Variants in CYP4F8 observed in about 807,000 individuals in gnomAD.
The protein encoded by CYP4F8 is cytochrome P450 4F8.
In CYP4F8, 56 loss-of-function variants were observed where a neutral mutation model predicts 55.0. The observed-to-expected ratio is 1.02, with a 90% CI of 0.82 to 1.27. CYP4F8 has a LOEUF of 1.27. Ranked by LOEUF, CYP4F8 falls within the 50% of genes most tolerant of loss-of-function variation. The pLI is 0.00. For missense variants in CYP4F8, 680 were observed against 682.4 expected (o/e 1.00, Z 0.04); for synonymous variants, 288 against 267.3 (o/e 1.08, Z -0.76).
chr19:15,628,832 G>A lies in CYP4F8; in HGVS notation c.1386G>A (p.Ser462=), dbSNP rs1254327526. The A allele has an allele frequency of 1.9e-6, 3 of 1,602,810 alleles. No homozygotes were observed. Among genetic ancestry groups the A allele is most frequent in the Non-Finnish European group, 1.7e-6 (2 of 1,175,148 alleles). ...KRSPMAFIPF[S]AGPRNCIGQK... Reference sequence around the variant, plus strand: ...CACCTATGGCTTTTATTCCTTTCTCGGCGGGGCCCAGGTGAGGCCAGGGGG... The same window carrying A: ...CACCTATGGCTTTTATTCCTTTCTCAGCGGGGCCCAGGTGAGGCCAGGGGG... The change falls in exon 12 of 13, where the codon TCG becomes TCA. Residue 462 remains serine, a synonymous_variant. Coordinates refer to ENST00000612078, the MANE Select transcript of CYP4F8 (RefSeq NM_007253.4).
At position 15,623,712 on chromosome 19, in the gene CYP4F8, A is replaced by C. The variant is rs369794004; in HGVS notation, c.932A>C (p.Lys311Thr). 158 of 1,614,140 alleles carry C rather than the reference A, an allele frequency of 9.8e-5. 2 individuals carry two copies. The South Asian group carries it at 1.3e-3, about 13-fold the overall frequency. Residue 311 changes from lysine to threonine, a missense_variant, in exon 8 of 13, where the codon AAA becomes ACA. By Grantham distance (78) the Lys-to-Thr change is moderately conservative. Coordinates refer to ENST00000612078, the MANE Select transcript of CYP4F8 (RefSeq NM_007253.4). ...TCTTGTCTCCAGGATAAAAATGGTAAAGAGTTGTCAGATGAGGACATAAGA... is the reference window on the plus strand; with the variant it reads ...TCTTGTCTCCAGGATAAAAATGGTACAGAGTTGTCAGATGAGGACATAAGA... ...VLLLSEDKNG[K>T]ELSDEDIRAE... is the part of the protein sequence containing the mutation.
rs375282839 is a variant in CYP4F8, at chr19:15,623,220, C to T, written c.763C>T (p.Arg255Cys). The change falls in exon 7 of 13, where the codon CGC (arginine) becomes TGC (cysteine). Residue 255 changes from arginine to cysteine, a missense_variant. Coordinates refer to ENST00000612078, the MANE Select transcript of CYP4F8 (RefSeq NM_007253.4). ...GTACTTCCTCACTCCCTGTGGACGG[C>T]GCTTCCACAGGGCCTGCAGACTGGT... is the stretch of plus-strand genomic sequence containing the variant. ...FLYFLTPCGR[R>C]FHRACRLVHD... The T allele has an allele frequency of 3.1e-5, 50 of 1,613,948 alleles. No homozygotes were observed. In the African/African-American group the frequency reaches 3.2e-4, roughly 10 times the overall value.
intron 3 of CYP4F8, chr19:15,619,272 C>G: frequency 7.2e-6 from 4 of 557,126 alleles, no homozygotes; most frequent in Non-Finnish European, 1.3e-5. Context: ...GTGTGCTGTA[C>G]CATGTCAGGG....
rs4019752 is a variant in CYP4F8 at position 15,629,884 on chromosome 19, ATTTT to A, written c.*538_*541del. On this transcript the variant is annotated 3_prime_UTR_variant, in exon 13 of 13. Transcript: ENST00000612078. ...CCTCTTCCTTCCTGCTGCTTGGAAG[ATTTT>A]TTTTTTTTTTTGAGACATGGTGTCT... is the stretch of plus-strand genomic sequence containing the variant. 2 of 145,276 alleles carry A rather than the reference ATTTT, an allele frequency of 1.4e-5. No homozygotes were observed. Among genetic ancestry groups the A allele is most frequent in the East Asian group, 2.1e-4 (1 of 4,864 alleles). The allele number at this position is 145,276 out of a possible 1,614,324, so 9.0% of individuals were successfully genotyped here.
chr19:15,618,289 G>C, intron 3 of CYP4F8, 145 bp downstream of exon 3: 1 of 1,239,142 alleles, frequency 8.1e-7, no homozygotes, highest in Non-Finnish European at 1.2e-6. Flanking sequence ...TTTCCTTCCT[G>C]TAGTCACCAA....
Position 15,629,472 on chromosome 19 carries a change from G to T in CYP4F8, c.*114G>T. On this transcript the variant is annotated 3_prime_UTR_variant, in exon 13 of 13. Coordinates refer to ENST00000612078, the MANE Select transcript of CYP4F8 (RefSeq NM_007253.4). ...CCCCTGTGCCTCAGTCCCGCGGATG[G>T]CCAGTAGGGGGCGCTGGAGGACTGC... 7.3e-7 allele frequency: 1 copy of T among 1,376,646 alleles called. No homozygotes were observed. The highest frequency in any genetic ancestry group is 9.6e-7 in the Non-Finnish European group (1 of 1,046,420). 85.3% of individuals were successfully genotyped at this position (1,376,646 alleles called of 1,614,324 possible).
In CYP4F8 at chr19:15,619,502, AC is replaced by A; in HGVS notation, c.357del (p.Asp119GlufsTer4). On this transcript the variant is annotated frameshift_variant, in exon 4 of 13. Coordinates refer to ENST00000612078, the MANE Select transcript of CYP4F8 (RefSeq NM_007253.4). LOFTEE classifies it high-confidence loss of function. ...SVINTSDAIT[D>X]KDIVFYKTLK... ...TCATTCATGTCAGATGCCATTACAGACAAGGACATAGTCTTCTACAAGACCC... is the reference window on the plus strand; with the variant it reads ...TCATTCATGTCAGATGCCATTACAGAAAGGACATAGTCTTCTACAAGACCC... 6.2e-7 allele frequency: 1 copy of A among 1,614,166 alleles called. No homozygotes were observed. Among genetic ancestry groups the A allele is most frequent in the Non-Finnish European group, 8.5e-7 (1 of 1,180,010 alleles).
rs1297850649 is a variant in CYP4F8, at chr19:15,630,182, T to C, written c.*824T>C. 6.6e-6 allele frequency: 1 copy of C among 152,168 alleles called. No individual in the cohort carries two copies. The highest frequency in any genetic ancestry group is 1.5e-5 in the Non-Finnish European group (1 of 68,030). The allele number at this position is 152,168 out of a possible 1,614,324, so 9.4% of individuals were successfully genotyped here. A position where few individuals can be genotyped will look rare whatever the true frequency, so the allele number is the denominator to read the frequency against. ...AAATTCTTGAGTTTCAATGTTTATT[T>C]TAGAATCAGGTGCTAACATGCAAAT... On this transcript the variant is annotated 3_prime_UTR_variant, in exon 13 of 13. Coordinates refer to ENST00000612078, the MANE Select transcript of CYP4F8 (RefSeq NM_007253.4).
chr19:15,619,468 T>C (rs1427325786), intron 3 of CYP4F8, 22 bp from the exon 4 acceptor site: 1 of 1,613,840 alleles, frequency 6.2e-7, no homozygotes, highest in Non-Finnish European at 8.5e-7. Context: ...CCATGGACCC[T>C]GATGGTCCTC....
chr19:15,615,572 T>G, intron 1 of CYP4F8, 44 bp from the exon 2 acceptor site: 1 of 1,597,582 alleles, frequency 6.3e-7, no homozygotes, highest in Middle Eastern at 1.9e-4. Context: ...CCAGCCCCTT[T>G]CCTAGGCCTC....
In CYP4F8 at chr19:15,623,958, C is replaced by T. The variant is rs1568384037; in HGVS notation, c.986-7C>T. The T allele has an allele frequency of 6.2e-7, 1 of 1,613,836 alleles. No individual in the cohort carries two copies. The highest frequency in any genetic ancestry group is 8.5e-7 in the Non-Finnish European group (1 of 1,179,830). On this transcript the variant is annotated splice_region_variant and splice_polypyrimidine_tract_variant and intron_variant, in intron 8 of 12. Coordinates refer to ENST00000612078, the MANE Select transcript of CYP4F8 (RefSeq NM_007253.4). Reference sequence around the variant, plus strand: ...CAGAGACTCAAGCCTGCCTGGCTGACCCTCAGGCCATGACACCACGGCCAG... The same window carrying T: ...CAGAGACTCAAGCCTGCCTGGCTGATCCTCAGGCCATGACACCACGGCCAG...
At chr19:15,628,089 A>T (rs1420967961) in intron 9 of CYP4F8, 1 of 685,704 alleles carries the variant, frequency 1.5e-6, no homozygotes, top group Non-Finnish European at 2.4e-6. Flanking sequence ...ACACCCTCTG[A>T]ATATTGTTTT....
chr19:15,628,920 T>C lies in CYP4F8; in HGVS notation c.1397+77T>C, dbSNP rs78169597. On this transcript the variant is annotated intron_variant, in intron 12 of 12. Transcript: ENST00000612078. ...GCTGCCTTGTCAGATGCCTGACTTG[T>C]AGGACCACGTGTTTCTGTGATAGGG... The C allele has an allele frequency of 4.5e-3, 6,521 of 1,449,042 alleles. 228 individuals are homozygous for C. In the African/African-American group the frequency reaches 0.08, roughly 18 times the overall value. 89.8% of individuals were successfully genotyped at this position (1,449,042 alleles called of 1,614,324 possible).
intron 6 of CYP4F8, 25 bp from the exon 7 acceptor site, chr19:15,623,080 T>C: frequency 6.2e-7 from 1 of 1,603,644 alleles, no homozygotes; most frequent in Non-Finnish European, 8.5e-7. Context: ...AGGAGCTGCT[T>C]CCTCTCTCTG....
Position 15,628,822 on chromosome 19 carries a change from T to G in CYP4F8, c.1376T>G (p.Ile459Ser). 1 of 1,606,500 alleles carries G rather than the reference T, an allele frequency of 6.2e-7. No homozygotes were observed. The highest frequency in any genetic ancestry group is 1.1e-5 in the South Asian group (1 of 90,696). ...CAGAAGAGGTCACCTATGGCTTTTA[T>G]TCCTTTCTCGGCGGGGCCCAGGTGA... The part of the protein sequence containing the change: ...NAQKRSPMAF[I>S]PFSAGPRNCI... The change falls in exon 12 of 13, where the codon ATT becomes AGT. Residue 459 changes from isoleucine to serine, a missense_variant. Ile to Ser is a moderately radical substitution (Grantham distance 142). Transcript: ENST00000612078.
intron 5 of CYP4F8, among the ~76,000 whole-genome samples, chr19:15,620,515 T>C (rs4807960): frequency 0.47 from 71,034 of 151,950 alleles, 17,325 homozygotes; most frequent in Non-Finnish European, 0.54. Context: ...CTTAGCCTCG[T>C]GGGTAGATGG....
In CYP4F8 at chr19:15,615,761, C is replaced by G. The variant is rs142201626; in HGVS notation, c.145C>G (p.Arg49Gly). 6.2e-7 allele frequency: 1 copy of G among 1,613,866 alleles called. No individual in the cohort carries two copies. The highest frequency in any genetic ancestry group is 1.3e-5 in the African/African-American group (1 of 74,894). The stretch of plus-strand genomic sequence containing the variant: ...CTTCTATCACAACGGCCGCCGCCTC[C>G]GGTGTTTCCCGCAGCCCCGGAAACA... ...YAFYHNGRRLRCFPQPRKQNW... is the reference protein window; with the variant it reads ...YAFYHNGRRLGCFPQPRKQNW... The change falls in exon 2 of 13, where the codon CGG (arginine) becomes GGG (glycine). Residue 49 changes from arginine to glycine, a missense_variant. Arg to Gly is a moderately radical substitution (Grantham distance 125). Transcript: ENST00000612078.
intron 5 of CYP4F8, among the ~76,000 whole-genome samples, chr19:15,620,974 C>A (rs1294534277): frequency 6.6e-6 from 1 of 152,080 alleles, no homozygotes; most frequent in Non-Finnish European, 1.5e-5. Context: ...GGGTCAAAGA[C>A]AAAAGTTTAT....
chr19:15,627,201 T>A (rs996894831), intron 9 of CYP4F8: 1 of 152,226 alleles, frequency 6.6e-6, no homozygotes, highest in African/African-American at 2.4e-5. Flanking sequence ...GGATAGGGCA[T>A]GGTGGCTTAT....
Sources: gnomAD v4.1 joint callset for allele counts (sites outside exome capture counted in the v4.1 genomes callset) on GRCh38, gnomAD v4.1.1 for gene constraint, MANE v1.5 for transcripts, NCBI Gene and HGNC (gene_info 2026-07-23, HGNC 2026-07-21) for gene names.